Variants in PRKCH observed in about 807,000 individuals in gnomAD.
The protein encoded by PRKCH is protein kinase C eta, also known as protein kinase C eta type.
A neutral mutation model predicts 82.5 loss-of-function variants in PRKCH; 28 were observed. The ratio of observed to expected loss-of-function variants is 0.34; its 90% CI spans 0.25 to 0.47. PRKCH has a LOEUF of 0.47. PRKCH is among the 20% of genes least tolerant of loss of function. The pLI is 1.00. For synonymous variants in PRKCH, 322 were observed against 327.4 expected, an observed-to-expected ratio of 0.98 and a Z score of 0.18; for missense variants, 705 against 881.8, an observed-to-expected ratio of 0.80 and a Z score of 2.54.
At chr14:61,434,386 C>T (rs1422763223) in intron 2 of PRKCH, among the ~76,000 whole-genome samples, 9 of 151,774 alleles carry the variant, frequency 5.9e-5, no homozygotes, top group Non-Finnish European at 8.8e-5. Flanking sequence ...AGTGATGATC[C>T]GCTGAGGAAT....
At chr14:61,406,385 G>A (rs1164203313) in intron 2 of PRKCH, among the ~76,000 whole-genome samples, 1 of 152,214 alleles carries the variant, frequency 6.6e-6, no homozygotes, top group African/African-American at 2.4e-5. Flanking sequence ...CAAACACTCA[G>A]TGCTAATGTG....
chr14:61,475,985 C>T (rs1220215372), intron 9 of PRKCH, among the ~76,000 whole-genome samples: 1 of 152,100 alleles, frequency 6.6e-6, no homozygotes, highest in Non-Finnish European at 1.5e-5. Context: ...TACATTTGAA[C>T]TATGGATATG....
intron 9 of PRKCH, among the ~76,000 whole-genome samples, chr14:61,484,764 C>CTTTTTTTTTTT (rs375542490): frequency 8.3e-6 from 1 of 121,206 alleles, no homozygotes; most frequent in African/African-American, 3.2e-5. Flanking sequence ...ATTTGGCTTC[C>CTTTTTTTTTTT]TTTTTTTTTT....
intron 10 of PRKCH, among the ~76,000 whole-genome samples, chr14:61,497,805 TATG>T (rs754601830): frequency 5.3e-5 from 8 of 152,126 alleles, no homozygotes; most frequent in Non-Finnish European, 1.0e-4. Context: ...TAATGGCAGT[TATG>T]ATCAGAAGAG....
chr14:61,426,853 T>C (rs1055726033), intron 2 of PRKCH, among the ~76,000 whole-genome samples: 1 of 152,238 alleles, frequency 6.6e-6, no homozygotes, highest in African/African-American at 2.4e-5. Flanking sequence ...CATAATTTAC[T>C]GCTTCAGGAA....
intron 9 of PRKCH, among the ~76,000 whole-genome samples, chr14:61,467,830 A>G (rs1416037721): frequency 6.6e-6 from 1 of 152,228 alleles, no homozygotes; most frequent in East Asian, 1.9e-4. Flanking sequence ...GCACATTGGC[A>G]TTCCGTAAAT....
intron 1 of PRKCH, among the ~76,000 whole-genome samples, chr14:61,356,009 A>T (rs1335797039): frequency 6.6e-6 from 1 of 152,198 alleles, no homozygotes; most frequent in Non-Finnish European, 1.5e-5. Context: ...CGAGGAGGGT[A>T]GTCTTTCTGG....
chr14:61,199,091 A>G (rs78458162), intron 1 of PRKCH, among the ~76,000 whole-genome samples: 6,108 of 152,250 alleles, frequency 0.04, 445 homozygotes, highest in African/African-American at 0.14. Context: ...AAATGTGTCT[A>G]ACTCCAAAAA....
intron 3 of PRKCH, among the ~76,000 whole-genome samples, 189 bp downstream of exon 3, chr14:61,443,450 A>G (rs1884071906): frequency 6.6e-6 from 1 of 152,236 alleles, no homozygotes; most frequent in Non-Finnish European, 1.5e-5. Context: ...TAATTTACAG[A>G]TCCAAGTTTT....
At chr14:61,305,219 G>T (rs910920844) in intron 1 of PRKCH, 1 of 152,054 alleles carries the variant, frequency 6.6e-6, no homozygotes, top group East Asian at 1.9e-4. Context: ...GTCTCACTCT[G>T]TCCAGCACGG....
chr14:61,210,772 C>G (rs1211665337), intron 1 of PRKCH, among the ~76,000 whole-genome samples: 1 of 135,148 alleles, frequency 7.4e-6, no homozygotes, highest in East Asian at 2.2e-4. Flanking sequence ...CTCTCTCTCT[C>G]TCTCTCTCTC....
At chr14:61,192,307 A>G (rs1157297151) in intron 1 of PRKCH, among the ~76,000 whole-genome samples, 3 of 152,292 alleles carry the variant, frequency 2.0e-5, no homozygotes, top group Middle Eastern at 3.4e-3. Flanking sequence ...TAAAATAGCC[A>G]TGTGATTTGG....
At chr14:61,251,338 C>A (rs567001016) in intron 1 of PRKCH, among the ~76,000 whole-genome samples, 1 of 152,260 alleles carries the variant, frequency 6.6e-6, no homozygotes, top group East Asian at 1.9e-4. Flanking sequence ...CATTAACCAT[C>A]CCACTTTCCC....
intron 10 of PRKCH, among the ~76,000 whole-genome samples, chr14:61,508,573 G>C (rs1349319221): frequency 6.6e-6 from 1 of 152,102 alleles, no homozygotes; most frequent in African/African-American, 2.4e-5. Context: ...TCAGTCTTCT[G>C]CGGGAGGAGG....
At chr14:61,252,177 C>T (rs987488315) in intron 1 of PRKCH, among the ~76,000 whole-genome samples, 2 of 152,114 alleles carry the variant, frequency 1.3e-5, no homozygotes, top group Non-Finnish European at 2.9e-5. Flanking sequence ...GATCCAGCTC[C>T]ATCCTCACCA....
chr14:61,194,215 A>T (rs556235793), intron 1 of PRKCH, among the ~76,000 whole-genome samples: 1 of 152,276 alleles, frequency 6.6e-6, no homozygotes, highest in Non-Finnish European at 1.5e-5. Context: ...AGTCTACTAT[A>T]AATTAGTACC....
At chr14:61,261,239 C>G (rs1282599979) in intron 1 of PRKCH, among the ~76,000 whole-genome samples, 1 of 152,176 alleles carries the variant, frequency 6.6e-6, no homozygotes, top group African/African-American at 2.4e-5. Context: ...TAGGAACTTT[C>G]ATCTTTTTAA....
chr14:61,458,207 AT>A (rs1423981661), intron 9 of PRKCH, among the ~76,000 whole-genome samples: 1 of 152,190 alleles, frequency 6.6e-6, no homozygotes, highest in Non-Finnish European at 1.5e-5. Flanking sequence ...TAAGAATTGA[AT>A]CTGTCTGCCC....
At position 61,329,234 on chromosome 14, in the gene PRKCH, C is replaced by CTTTTT. The variant is rs71117812; in HGVS notation, c.363+6786_363+6790dup. On this transcript the variant is annotated intron_variant, in intron 1 of 13. Coordinates refer to ENST00000332981, the MANE Select transcript of PRKCH (RefSeq NM_006255.5). ...ACTGCTCTTAGATAAACTCCTGAGTCTTTTTTTTTTTTTTTTTTTTGAGAC... is the reference window on the plus strand; with the variant it reads ...ACTGCTCTTAGATAAACTCCTGAGTCTTTTTTTTTTTTTTTTTTTTTTTTTGAGAC... Among the ~76,000 whole-genome samples, 245 of 63,426 alleles carry CTTTTT rather than the reference C, an allele frequency of 3.9e-3. 45 individuals carry two copies. The highest frequency in any genetic ancestry group is 0.013 in the African/African-American group (190 of 14,746). The allele number at this position is 63,426 out of a possible 152,430, so 41.6% of individuals were successfully genotyped here.
Sources: gnomAD v4.1 joint callset for allele counts (sites outside exome capture counted in the v4.1 genomes callset) on GRCh38, gnomAD v4.1.1 for gene constraint, MANE v1.5 for transcripts, NCBI Gene and HGNC (gene_info 2026-07-23, HGNC 2026-07-21) for gene names.